The following AOAH variants were observed in gnomAD, a reference collection of about 807,000 sequenced individuals.
AOAH encodes acyloxyacyl hydrolase.
Under a neutral mutation model 92.2 loss-of-function variants are expected in AOAH, and 64 were observed. The ratio of observed to expected loss-of-function variants is 0.69; its 90% CI spans 0.57 to 0.86. AOAH has a LOEUF of 0.86. AOAH is among the 40% of genes least tolerant of loss of function. AOAH has a pLI of 0.00. For missense variants in AOAH, 656 were observed against 694.6 expected, an observed-to-expected ratio of 0.94 and a Z score of 0.62; for synonymous variants, 263 against 254.5, an observed-to-expected ratio of 1.03 and a Z score of -0.32.
At chr7:36,591,728 G>A (rs1789758621) in intron 12 of AOAH, among the ~76,000 whole-genome samples, 1 of 152,192 alleles carries the variant, frequency 6.6e-6, no homozygotes, top group Admixed American at 6.5e-5. Flanking sequence ...GGAAAAGGGA[G>A]CTTTCCCTCT....
intron 15 of AOAH, among the ~76,000 whole-genome samples, chr7:36,541,418 G>A (rs1205011628): frequency 6.6e-6 from 1 of 152,224 alleles, no homozygotes; most frequent in Non-Finnish European, 1.5e-5. Context: ...AAGCTCCTAA[G>A]TGAGCTGAAA....
chr7:36,685,670 G>A (rs1796955794), intron 2 of AOAH, among the ~76,000 whole-genome samples: 1 of 152,166 alleles, frequency 6.6e-6, no homozygotes, highest in Non-Finnish European at 1.5e-5. Flanking sequence ...AGGGAGGTGG[G>A]GCAGGGGAGA....
chr7:36,711,297 C>T (rs1798755903), intron 1 of AOAH, among the ~76,000 whole-genome samples: 1 of 152,128 alleles, frequency 6.6e-6, no homozygotes, highest in Non-Finnish European at 1.5e-5. Context: ...ACAACTTCTT[C>T]TTTTTTCCCT....
intron 11 of AOAH, 36 bp from the exon 12 acceptor site, chr7:36,594,466 G>A (rs755647500): frequency 6.5e-7 from 1 of 1,545,818 alleles, no homozygotes; most frequent in African/African-American, 1.4e-5. Context: ...TATCAAAATG[G>A]TCATTTATTT....
At chr7:36,677,335 G>T (rs538826537) in intron 2 of AOAH, among the ~76,000 whole-genome samples, 28 of 152,280 alleles carry the variant, frequency 1.8e-4, no homozygotes, top group South Asian at 1.4e-3. Flanking sequence ...CACATGAAAA[G>T]ATACTCAACA....
In AOAH at chr7:36,687,260, CT is replaced by C; in HGVS notation, c.128-467del. Reference sequence around the variant, plus strand: ...AGGTAATATGTTTCCCATAGGGCTGCTGTGATGGTTAAATGAGATAAAAGTG... The same window carrying C: ...AGGTAATATGTTTCCCATAGGGCTGCGTGATGGTTAAATGAGATAAAAGTG... On this transcript the variant is annotated intron_variant, in intron 1 of 20. Transcript: ENST00000617537. Among the ~76,000 whole-genome samples, 3 of 152,218 alleles carry C rather than the reference CT, an allele frequency of 2.0e-5. No individual in the cohort carries two copies. In the East Asian group the frequency reaches 5.8e-4, roughly 29 times the overall value.
intron 12 of AOAH, among the ~76,000 whole-genome samples, chr7:36,578,652 T>C (rs1277397304): frequency 1.3e-5 from 2 of 152,232 alleles, no homozygotes; most frequent in African/African-American, 4.8e-5. Context: ...TTGTTAGTCT[T>C]TGACATTATC....
chr7:36,616,256 T>C (rs1791870901), intron 11 of AOAH, 124 bp downstream of exon 11: 4 of 756,500 alleles, frequency 5.3e-6, no homozygotes, highest in Admixed American at 4.3e-5. Flanking sequence ...ATGCCTTTCA[T>C]GGCAGATTTT....
rs1254361737 is a variant in AOAH, at chr7:36,540,468, A to T, written c.1157T>A (p.Met386Lys). The T allele has an allele frequency of 1.9e-6, 3 of 1,613,204 alleles. No homozygotes were observed. The East Asian group carries it at 6.7e-5, about 36-fold the overall frequency. ...CSGKSDPVPAMTTPEKLYSNV... is the reference protein window; with the variant it reads ...CSGKSDPVPAKTTPEKLYSNV... ...GGAGTAGAGTTTCTCAGGAGTGGTC[A>T]TGGCTGGGACTGGGTCACTCTTCCT... is the stretch of plus-strand genomic sequence containing the variant. Residue 386 changes from methionine (M) to lysine (K), a missense_variant, in exon 16 of 21, where the codon ATG becomes AAG. By Grantham distance (95) the Met-to-Lys change is moderately conservative (BLOSUM62 -1). Transcript: ENST00000617537.
intron 1 of AOAH, among the ~76,000 whole-genome samples, chr7:36,692,098 T>A (rs367837990): frequency 7.2e-4 from 109 of 152,310 alleles, no homozygotes; most frequent in Middle Eastern, 3.4e-3. Context: ...AAATGATGGT[T>A]GTGTAAGTGT....
intron 13 of AOAH, among the ~76,000 whole-genome samples, chr7:36,553,319 T>C (rs548205898): frequency 6.6e-6 from 1 of 152,160 alleles, no homozygotes; most frequent in East Asian, 1.9e-4. Context: ...ACAAAGGTCA[T>C]CATTTTTTAG....
intron 11 of AOAH, among the ~76,000 whole-genome samples, chr7:36,610,276 T>A (rs1011683740): frequency 6.6e-6 from 1 of 150,418 alleles, no homozygotes; most frequent in African/African-American, 2.4e-5. Context: ...ATATAATGAG[T>A]ATAAAAACAA....
intron 4 of AOAH, among the ~76,000 whole-genome samples, chr7:36,656,893 C>A (rs1794928319): frequency 6.9e-6 from 1 of 145,972 alleles, no homozygotes. Flanking sequence ...GGGGTGTTGG[C>A]AGTACCAAGA....
chr7:36,633,138 G>T (rs765299644), intron 5 of AOAH, among the ~76,000 whole-genome samples: 2 of 152,222 alleles, frequency 1.3e-5, no homozygotes, highest in Non-Finnish European at 2.9e-5. Context: ...GTGGGATAGA[G>T]GCAGGTGGGG....
chr7:36,588,442 G>A (rs975695730), intron 12 of AOAH, among the ~76,000 whole-genome samples: 2 of 152,216 alleles, frequency 1.3e-5, no homozygotes, highest in Non-Finnish European at 2.9e-5. Flanking sequence ...CAACTTCAGA[G>A]GACCACCTCT....
chr7:36,591,856 T>C (rs1789768496), intron 12 of AOAH, among the ~76,000 whole-genome samples: 1 of 152,198 alleles, frequency 6.6e-6, no homozygotes, highest in Admixed American at 6.5e-5. Flanking sequence ...TACTGGTGTG[T>C]GCGAGCTGTA....
intron 6 of AOAH, among the ~76,000 whole-genome samples, chr7:36,624,704 C>G (rs1027900700): frequency 6.6e-6 from 1 of 152,214 alleles, no homozygotes; most frequent in African/African-American, 2.4e-5. Context: ...GACTCTACCT[C>G]TAGCCACAGT....
chr7:36,616,448 G>A lies in AOAH; in HGVS notation c.778C>T (p.Leu260=). 1 of 1,614,100 alleles carries A rather than the reference G, an allele frequency of 6.2e-7. No individual in the cohort carries two copies. Among genetic ancestry groups the A allele is most frequent in the Non-Finnish European group, 8.5e-7 (1 of 1,179,970 alleles). ...EGSQPRGIIL[L]GDSAGAHFHI... is the part of the protein sequence containing the mutation. Reference sequence around the variant, plus strand: ...AAATGAGCCCCAGCTGAGTCTCCCAGCAAAATGATTCCCCTGGGCTGTGAA... The same window carrying A: ...AAATGAGCCCCAGCTGAGTCTCCCAACAAAATGATTCCCCTGGGCTGTGAA... Residue 260 remains leucine, a synonymous_variant, in exon 11 of 21, where the codon CTG becomes TTG. Coordinates refer to ENST00000617537, the MANE Select transcript of AOAH (RefSeq NM_001637.4).
In AOAH at chr7:36,637,843, G is replaced by A. The variant is rs1286316715; in HGVS notation, c.450+8C>T. On this transcript the variant is annotated splice_region_variant and intron_variant, in intron 5 of 20. Coordinates refer to ENST00000617537, the MANE Select transcript of AOAH (RefSeq NM_001637.4). ...AAAAGGCTGGCGTTCTACGTGCTTA[G>A]TGCTTACCAGAATCGGGGACTTCTT... 6.2e-7 allele frequency: 1 copy of A among 1,613,590 alleles called. No individual in the cohort carries two copies. The highest frequency in any genetic ancestry group is 8.5e-7 in the Non-Finnish European group (1 of 1,179,610).
Sources: allele counts gnomAD v4.1 joint callset (sites outside exome capture counted in the v4.1 genomes callset), GRCh38; gene constraint gnomAD v4.1.1; transcripts MANE v1.5; gene names NCBI Gene and HGNC (gene_info 2026-07-23, HGNC 2026-07-21).